CAMK1D: variants seen among roughly 807,000 people sequenced by gnomAD.
The protein encoded by CAMK1D is calcium/calmodulin-dependent protein kinase type 1D.
Under a neutral mutation model 47.7 loss-of-function variants are expected in CAMK1D, and 9 were observed. The observed-to-expected ratio is 0.19, with a 90% CI of 0.11 to 0.33. The LOEUF (loss-of-function observed/expected upper bound fraction) is 0.33. Among genes scored for constraint, CAMK1D ranks in the 10% least tolerant of loss-of-function variants. CAMK1D has a pLI of 1.00. For missense variants in CAMK1D, 291 were observed against 488.7 expected, an observed-to-expected ratio of 0.60 and a Z score of 3.81; for synonymous variants, 184 against 184.9, an observed-to-expected ratio of 0.99 and a Z score of 0.04.
rs1336396747 is a variant in CAMK1D, at chr10:12,495,225, G to A, written c.93-58000G>A. ...AAATGTGTTGCCTCAGGTAAAGCCCGTACCATTTGTGCAAAAGGAAAATGG... is the reference window on the plus strand; with the variant it reads ...AAATGTGTTGCCTCAGGTAAAGCCCATACCATTTGTGCAAAAGGAAAATGG... On this transcript the variant is annotated intron_variant, in intron 1 of 10. Transcript: ENST00000619168. 6.6e-5 allele frequency among the ~76,000 whole-genome samples: 10 copies of A among 152,278 alleles called. No homozygotes were observed. The East Asian group carries it at 7.7e-4, about 12-fold the overall frequency.
intron 1 of CAMK1D, among the ~76,000 whole-genome samples, chr10:12,459,852 G>C (rs981679657): frequency 1.3e-5 from 2 of 152,204 alleles, no homozygotes; most frequent in African/African-American, 4.8e-5. Context: ...GATCAAAGCC[G>C]TGGGGAAAGG....
At chr10:12,378,771 C>A (rs370833402) in intron 1 of CAMK1D, among the ~76,000 whole-genome samples, 1 of 151,080 alleles carries the variant, frequency 6.6e-6, no homozygotes, top group African/African-American at 2.4e-5. Flanking sequence ...CTCATGAGAT[C>A]TCTATCCAAG....
intron 5 of CAMK1D, 56 bp downstream of exon 5, chr10:12,769,855 T>C (rs1377229686): frequency 2.5e-6 from 4 of 1,595,910 alleles, no homozygotes; most frequent in Non-Finnish European, 3.4e-6. Context: ...TCCTCATGTG[T>C]GGTGTCACCA....
chr10:12,726,450 A>T (rs572705954), intron 3 of CAMK1D, among the ~76,000 whole-genome samples: 14 of 152,172 alleles, frequency 9.2e-5, no homozygotes, highest in South Asian at 2.1e-4. Context: ...TAAAAAAATT[A>T]AAAAAAGAAG....
At chr10:12,593,593 A>AAAAC (rs893898061) in intron 2 of CAMK1D, among the ~76,000 whole-genome samples, 7 of 151,480 alleles carry the variant, frequency 4.6e-5, no homozygotes, top group Admixed American at 6.6e-5. Context: ...TCCGTCTCAA[A>AAAAC]AAACAAACAA....
intron 1 of CAMK1D, among the ~76,000 whole-genome samples, chr10:12,439,204 A>G (rs1832715074): frequency 6.6e-6 from 1 of 151,932 alleles, no homozygotes. Context: ...CTTTTTCATA[A>G]CTCATATTCG....
intron 1 of CAMK1D, among the ~76,000 whole-genome samples, chr10:12,434,417 T>G (rs1832570653): frequency 6.6e-6 from 1 of 152,136 alleles, no homozygotes; most frequent in African/African-American, 2.4e-5. Context: ...GCCTTGATCA[T>G]GGATGCCCAT....
intron 1 of CAMK1D, among the ~76,000 whole-genome samples, chr10:12,444,429 T>G (rs557213395): frequency 6.6e-6 from 1 of 152,296 alleles, no homozygotes; most frequent in Admixed American, 6.5e-5. Context: ...GTAAAATATT[T>G]AAGGAGGTTT....
intron 1 of CAMK1D, among the ~76,000 whole-genome samples, chr10:12,548,746 T>C (rs1463723083): frequency 6.6e-6 from 1 of 152,130 alleles, no homozygotes; most frequent in East Asian, 1.9e-4. Flanking sequence ...ATTATAGGCA[T>C]GAGCCACCGC....
chr10:12,448,778 C>G (rs1433526223), intron 1 of CAMK1D, among the ~76,000 whole-genome samples: 3 of 152,144 alleles, frequency 2.0e-5, no homozygotes, highest in Non-Finnish European at 4.4e-5. Context: ...ATCCCCGGAC[C>G]ATTCCTCCCG....
chr10:12,572,171 C>G (rs1451402471), intron 2 of CAMK1D, among the ~76,000 whole-genome samples: 1 of 151,972 alleles, frequency 6.6e-6, no homozygotes, highest in Non-Finnish European at 1.5e-5. Context: ...GGCTCTACGT[C>G]CCCACCCAAA....
chr10:12,615,922 GTGTA>G (rs763286657), intron 2 of CAMK1D, among the ~76,000 whole-genome samples: 5 of 151,840 alleles, frequency 3.3e-5, no homozygotes, highest in East Asian at 1.9e-4. Flanking sequence ...GTATAGGTGT[GTGTA>G]TGTGTGTTTG....
chr10:12,551,116 C>T (rs1342998406), intron 1 of CAMK1D, among the ~76,000 whole-genome samples: 1 of 152,202 alleles, frequency 6.6e-6, no homozygotes, highest in Non-Finnish European at 1.5e-5. Context: ...CTGTTAGGAA[C>T]TTTGCCACAC....
chr10:12,380,031 G>T (rs576485092), intron 1 of CAMK1D, among the ~76,000 whole-genome samples: 32 of 151,834 alleles, frequency 2.1e-4, no homozygotes, highest in African/African-American at 7.2e-4. Context: ...TGCCTAACAC[G>T]GTGAAACCCC....
chr10:12,513,832 A>G (rs1208301842), intron 1 of CAMK1D, among the ~76,000 whole-genome samples: 1 of 152,198 alleles, frequency 6.6e-6, no homozygotes, highest in African/African-American at 2.4e-5. Flanking sequence ...CGATGTGATC[A>G]GTGTTTGCTG....
At chr10:12,793,767 G>A (rs1056851868) in intron 6 of CAMK1D, among the ~76,000 whole-genome samples, 3 of 152,224 alleles carry the variant, frequency 2.0e-5, no homozygotes, top group African/African-American at 7.2e-5. Flanking sequence ...GTGGGGAGAA[G>A]CCTTGAGTGA....
chr10:12,694,329 A>ATATATAT (rs1564498743), intron 3 of CAMK1D, among the ~76,000 whole-genome samples: 1 of 58,380 alleles, frequency 1.7e-5, no homozygotes, highest in African/African-American at 6.7e-5. Context: ...TAATATATAA[A>ATATATAT]GTATATATAA....
At chr10:12,743,108 C>T (rs553042198) in intron 3 of CAMK1D, among the ~76,000 whole-genome samples, 3 of 152,162 alleles carry the variant, frequency 2.0e-5, no homozygotes, top group East Asian at 1.9e-4. Flanking sequence ...TTTGCGAGGC[C>T]GAGGCAGGCA....
chr10:12,705,160 A>G (rs1435181022), intron 3 of CAMK1D, among the ~76,000 whole-genome samples: 1 of 152,126 alleles, frequency 6.6e-6, no homozygotes, highest in Admixed American at 6.6e-5. Flanking sequence ...AAGAAAATAG[A>G]ACAGAATAGA....
Sources: gnomAD v4.1 joint callset for allele counts (sites outside exome capture counted in the v4.1 genomes callset) on GRCh38, gnomAD v4.1.1 for gene constraint, MANE v1.5 for transcripts, NCBI Gene and HGNC (gene_info 2026-07-23, HGNC 2026-07-21) for gene names.